HEPH: variants seen among roughly 807,000 people sequenced by gnomAD.
HEPH encodes hephaestin.
In HEPH, 69 loss-of-function variants were observed where a neutral mutation model predicts 80.8. The ratio of observed to expected loss-of-function variants is 0.85; its 90% CI spans 0.70 to 1.04. The LOEUF is 1.04. Among genes scored for constraint, HEPH ranks in the 50% least tolerant of loss-of-function variants. The pLI, the probability that HEPH is intolerant of heterozygous loss-of-function variation, is 0.00. For missense variants in HEPH, 1,115 were observed against 891.3 expected, an observed-to-expected ratio of 1.25 and a Z score of -3.20; for synonymous variants, 431 against 322.8, an observed-to-expected ratio of 1.34 and a Z score of -3.60.
At chrX:66,209,851 T>C (rs1458819198) in intron 15 of HEPH, among the ~76,000 whole-genome samples, 2 of 110,878 alleles carry the variant, frequency 1.8e-5, no homozygotes, top group Admixed American at 9.6e-5. Flanking sequence ...TGATGATGAG[T>C]TCCCTTTTGA....
rs910538706 is a variant in HEPH, at chrX:66,164,612, T to C, written c.-14+142T>C. On this transcript the variant is annotated intron_variant, in intron 1 of 20. Transcript: ENST00000343002. The stretch of plus-strand genomic sequence containing the variant: ...AAAGTTGGAGGAGGTTTGGCTGATG[T>C]GCAGGAAAGTTAAAGGAGACAATAG... 1.6e-4 allele frequency: 47 copies of C among 294,940 alleles called. No individual in the cohort carries two copies. The Admixed American group carries it at 2.8e-3, about 17-fold the overall frequency. The allele number at this position is 294,940 out of a possible 1,213,427, so 24.3% of individuals were successfully genotyped here.
rs1202603300 is a variant in HEPH at position 66,188,564 on chromosome X, C to G, written c.808+23C>G. ...ATGGTGAGTTGGGAAAAGGTGGCCA[C>G]ATTGTGACAGGGAACATTGTTGGAG... On this transcript the variant is annotated intron_variant, in intron 5 of 20. Coordinates refer to ENST00000343002, the MANE Select transcript of HEPH (RefSeq NM_001367233.3). 4.3e-6 allele frequency: 5 copies of G among 1,165,928 alleles called. No individual in the cohort carries two copies. The African/African-American group carries it at 8.8e-5, about 21-fold the overall frequency.
chrX:66,255,999 C>G, intron 16 of HEPH, 106 bp from the exon 17 acceptor site: 1 of 502,372 alleles, frequency 2.0e-6, no homozygotes, highest in South Asian at 3.2e-5. Context: ...TGAGGAAATG[C>G]TGAGAGGCAC....
At chrX:66,162,975 C>T (rs2086240095), upstream of HEPH, 36 of 796,222 alleles carry the variant, frequency 4.5e-5, no homozygotes, top group East Asian at 1.3e-3. Context: ...GCATAGTATT[C>T]TCAGACCTGT....
chrX:66,176,079 C>T (rs1488441984), intron 4 of HEPH, among the ~76,000 whole-genome samples: 1 of 111,303 alleles, frequency 9.0e-6, no homozygotes, highest in African/African-American at 3.3e-5. Flanking sequence ...GAGTGGGCAT[C>T]CTTGTCTTAT....
In HEPH at chrX:66,189,911, A is replaced by G; in HGVS notation, c.1036A>G (p.Ser346Gly). ...CTGGGAACCTGGTACCTGGTTAATTAGCTGCCAAGTGAACAGTCACTTTCG... is the reference window on the plus strand; with the variant it reads ...CTGGGAACCTGGTACCTGGTTAATTGGCTGCCAAGTGAACAGTCACTTTCG... ...VPWEPGTWLISCQVNSHFRDG... is the reference protein window; with the variant it reads ...VPWEPGTWLIGCQVNSHFRDG... Residue 346 changes from serine to glycine, a missense_variant, in exon 6 of 21, where the codon AGC (serine) becomes GGC (glycine). Coordinates refer to ENST00000343002, the MANE Select transcript of HEPH (RefSeq NM_001367233.3). 8.4e-7 allele frequency: 1 copy of G among 1,187,114 alleles called. No homozygotes were observed. Among genetic ancestry groups the G allele is most frequent in the Non-Finnish European group, 1.1e-6 (1 of 882,616 alleles).
intron 4 of HEPH, among the ~76,000 whole-genome samples, chrX:66,178,053 T>A (rs1326110390): frequency 1.0e-3 from 117 of 111,941 alleles, no homozygotes; most frequent in Non-Finnish European, 1.7e-3. Flanking sequence ...CATTAACTTG[T>A]CATTTACATT....
At chrX:66,232,478 T>A (rs180896605) in intron 15 of HEPH, among the ~76,000 whole-genome samples, 1 of 111,846 alleles carries the variant, frequency 8.9e-6, no homozygotes, top group East Asian at 2.8e-4. Flanking sequence ...ATGTAATATC[T>A]GCTTCAGAAT....
At chrX:66,259,363 G>A (rs1456003396) in intron 18 of HEPH, among the ~76,000 whole-genome samples, 4 of 111,772 alleles carry the variant, frequency 3.6e-5, no homozygotes, top group Non-Finnish European at 7.5e-5. Context: ...AACTTAGGGG[G>A]TACATGGAAC....
intron 15 of HEPH, among the ~76,000 whole-genome samples, chrX:66,220,200 A>G (rs1004295995): frequency 3.6e-5 from 4 of 111,565 alleles, no homozygotes; most frequent in Non-Finnish European, 7.5e-5. Context: ...CTCTACATAC[A>G]TAACAGGAAG....
Position 66,258,972 on chromosome X carries a change from T to G in HEPH, c.3029T>G (p.Leu1010Arg). The change falls in exon 18 of 21, where the codon CTC (leucine) becomes CGC (arginine). Residue 1010 changes from leucine (L) to arginine (R), a missense_variant. Physicochemically the swap from Leu to Arg is moderately radical, Grantham distance 102 (BLOSUM62 -2). Coordinates refer to ENST00000343002, the MANE Select transcript of HEPH (RefSeq NM_001367233.3). ...ATCCACTTTCATGCAGAGAGCTTCC[T>G]CTATCGGGTGAGCTGGAAAATGGGC... ...HTIHFHAESF[L>R]YRNGENYRAD... 1 of 1,198,585 alleles carries G rather than the reference T, an allele frequency of 8.3e-7. No individual in the cohort carries two copies. Among genetic ancestry groups the G allele is most frequent in the Non-Finnish European group, 1.1e-6 (1 of 890,664 alleles).
intron 11 of HEPH, among the ~76,000 whole-genome samples, chrX:66,199,845 T>A (rs1315090368): frequency 1.8e-5 from 2 of 111,860 alleles, no homozygotes; most frequent in African/African-American, 6.5e-5. Flanking sequence ...GAGGAAATCA[T>A]GTGAAAAGTC....
At chrX:66,230,257 G>A (rs2090071813) in intron 15 of HEPH, among the ~76,000 whole-genome samples, 1 of 93,668 alleles carries the variant, frequency 1.1e-5, no homozygotes, top group Non-Finnish European at 2.1e-5. Context: ...TGTCTTTATA[G>A]CAGCATGATT....
intron 15 of HEPH, among the ~76,000 whole-genome samples, chrX:66,248,335 G>C (rs1006208720): frequency 1.8e-5 from 2 of 112,117 alleles, no homozygotes; most frequent in Non-Finnish European, 3.8e-5. Context: ...TATCCCACCT[G>C]GGATGAGAAT....
intron 13 of HEPH, among the ~76,000 whole-genome samples, chrX:66,204,699 A>T (rs1264212): frequency 0.27 from 30,402 of 111,018 alleles, 3,618 homozygotes; most frequent in African/African-American, 0.45. Context: ...CAATTGAATT[A>T]TCAGCAACTA....
intron 7 of HEPH, among the ~76,000 whole-genome samples, chrX:66,193,187 T>A (rs979577515): frequency 9.0e-6 from 1 of 110,660 alleles, no homozygotes; most frequent in African/African-American, 3.3e-5. Flanking sequence ...CTGGTCCCAG[T>A]GCCTGGAAAT....
intron 15 of HEPH, among the ~76,000 whole-genome samples, chrX:66,244,303 C>A (rs781513450): frequency 2.4e-4 from 27 of 111,568 alleles, no homozygotes; most frequent in Non-Finnish European, 4.5e-4. Flanking sequence ...TCAGGGTTGT[C>A]AATGAGTCAT....
At chrX:66,214,030 C>A (rs761358029) in intron 15 of HEPH, among the ~76,000 whole-genome samples, 2 of 112,378 alleles carry the variant, frequency 1.8e-5, no homozygotes, top group Non-Finnish European at 3.8e-5. Flanking sequence ...GCACTACCCC[C>A]TTCCATGTGG....
At chrX:66,179,349 C>A (rs1485737743) in intron 4 of HEPH, among the ~76,000 whole-genome samples, 5 of 111,539 alleles carry the variant, frequency 4.5e-5, no homozygotes, top group Admixed American at 9.6e-5. Context: ...GTTACTGTAG[C>A]CTTGTAGTGT....
Sources: allele counts gnomAD v4.1 joint callset (sites outside exome capture counted in the v4.1 genomes callset), GRCh38; gene constraint gnomAD v4.1.1; transcripts MANE v1.5; gene names NCBI Gene and HGNC (gene_info 2026-07-23, HGNC 2026-07-21).